NAALADL2: variants seen among roughly 807,000 people sequenced by gnomAD.
NAALADL2 encodes inactive N-acetylated-alpha-linked acidic dipeptidase-like protein 2.
NAALADL2 carries 76 observed loss-of-function variants against 87.2 expected under a neutral mutation model. The ratio of observed to expected loss-of-function variants is 0.87; its 90% CI spans 0.72 to 1.05. The LOEUF (loss-of-function observed/expected upper bound fraction) is 1.05. Among genes scored for constraint, NAALADL2 ranks in the 50% least tolerant of loss-of-function variants. The probability of loss-of-function intolerance (pLI) is 0.00; values close to 1 mark genes in which losing one functional copy is unlikely to be tolerated. For synonymous variants in NAALADL2, 354 were observed against 331.0 expected (o/e 1.07, Z -0.75); for missense variants, 1,089 against 945.8 (o/e 1.15, Z -1.99).
intron 1 of NAALADL2, among the ~76,000 whole-genome samples, chr3:174,493,510 AT>A (rs1211443499): frequency 2.6e-5 from 4 of 152,220 alleles, no homozygotes; most frequent in African/African-American, 4.8e-5. Flanking sequence ...AGACTTCTAA[AT>A]TCCATTATGA....
At position 175,809,510 on chromosome 3, in the gene NAALADL2, T is replaced by TAAAAAAAAAAAAAAAAA. The variant is rs1491162200; in HGVS notation, c.*6307_*6308insAAAAAAAAAAAAAAAAA. On this transcript the variant is annotated 3_prime_UTR_variant, in exon 14 of 14. Coordinates refer to ENST00000454872, the MANE Select transcript of NAALADL2 (RefSeq NM_207015.3). ...GCAACAAAGTGAGACCCTGTCTCTC[T>TAAAAAAAAAAAAAAAAA]TAAAAAAAAAAAAAAAAAAAAAAAA... 1 of 34,390 alleles carries TAAAAAAAAAAAAAAAAA rather than the reference T, an allele frequency of 2.9e-5. No homozygotes were observed. Among genetic ancestry groups the TAAAAAAAAAAAAAAAAA allele is most frequent in the Non-Finnish European group, 7.5e-5 (1 of 13,314 alleles). 2.1% of individuals were successfully genotyped at this position (34,390 alleles called of 1,614,324 possible). A position where few individuals can be genotyped will look rare whatever the true frequency, so the allele number is the denominator to read the frequency against.
At chr3:175,798,897 A>G (rs1170844575) in intron 13 of NAALADL2, among the ~76,000 whole-genome samples, 2 of 152,086 alleles carry the variant, frequency 1.3e-5, no homozygotes, top group Admixed American at 6.5e-5. Flanking sequence ...TTAACATTCA[A>G]TAAGCACATA....
intron 1 of NAALADL2, among the ~76,000 whole-genome samples, chr3:174,463,137 G>T (rs1030140520): frequency 2.0e-5 from 3 of 152,186 alleles, no homozygotes; most frequent in Admixed American, 6.5e-5. Flanking sequence ...TACTGAATCT[G>T]CAGGGGAGGT....
At chr3:174,518,808 G>T (rs767602572) in intron 1 of NAALADL2, among the ~76,000 whole-genome samples, 1 of 152,146 alleles carries the variant, frequency 6.6e-6, no homozygotes, top group Non-Finnish European at 1.5e-5. Context: ...TATTCTAATT[G>T]TATTGAGCAC....
intron 1 of NAALADL2, among the ~76,000 whole-genome samples, chr3:175,012,613 T>C (rs1371967081): frequency 1.3e-5 from 2 of 152,142 alleles, no homozygotes; most frequent in African/African-American, 4.8e-5. Context: ...GTTGAAAAAT[T>C]ACAGCCCTCA....
chr3:174,987,461 TG>T (rs1383606538), intron 1 of NAALADL2, among the ~76,000 whole-genome samples: 4 of 139,128 alleles, frequency 2.9e-5, no homozygotes. Context: ...CCCAGCTACT[TG>T]GGAGGCTGAG....
chr3:174,835,664 AAAC>A (rs1207377429), intron 3 of NAALADL2, among the ~76,000 whole-genome samples: 2 of 152,130 alleles, frequency 1.3e-5, no homozygotes, highest in East Asian at 1.9e-4. Context: ...ACAGAAAACT[AAAC>A]AATCTGATTT....
intron 5 of NAALADL2, among the ~76,000 whole-genome samples, chr3:175,362,812 G>GT (rs1427141686): frequency 6.8e-6 from 1 of 147,674 alleles, no homozygotes; most frequent in East Asian, 2.0e-4. Flanking sequence ...GTGTAGAACT[G>GT]TTTCCTGTTC....
intron 2 of NAALADL2, among the ~76,000 whole-genome samples, chr3:175,173,313 T>A (rs200468690): frequency 0.17 from 8,471 of 50,802 alleles, 292 homozygotes; most frequent in African/African-American, 0.24. Flanking sequence ...ATAAATAAAA[T>A]AAATAAATAA....
chr3:175,729,098 A>G (rs574912337), intron 11 of NAALADL2, among the ~76,000 whole-genome samples: 1 of 152,292 alleles, frequency 6.6e-6, no homozygotes, highest in East Asian at 1.9e-4. Flanking sequence ...GTGCTTTCTA[A>G]GAAATAAAAG....
intron 5 of NAALADL2, among the ~76,000 whole-genome samples, chr3:175,444,320 G>A (rs1720320758): frequency 6.6e-6 from 1 of 152,064 alleles, no homozygotes; most frequent in Non-Finnish European, 1.5e-5. Flanking sequence ...ACACATACTG[G>A]GAAAACCAGA....
At chr3:174,490,232 A>T (rs1325900343) in intron 1 of NAALADL2, among the ~76,000 whole-genome samples, 2 of 152,140 alleles carry the variant, frequency 1.3e-5, no homozygotes, top group Non-Finnish European at 2.9e-5. Flanking sequence ...GCAATAAAAA[A>T]TGAAGTATTG....
chr3:174,678,217 T>G (rs1727219807), intron 2 of NAALADL2, among the ~76,000 whole-genome samples: 1 of 152,112 alleles, frequency 6.6e-6, no homozygotes, highest in Non-Finnish European at 1.5e-5. Context: ...GTCAGATTCC[T>G]GGAGATACTG....
At chr3:175,373,929 T>A (rs1213948068) in intron 5 of NAALADL2, among the ~76,000 whole-genome samples, 6 of 152,206 alleles carry the variant, frequency 3.9e-5, no homozygotes, top group African/African-American at 1.2e-4. Context: ...ATGTTTTTTA[T>A]GCTGATGGAC....
At chr3:175,499,261 G>A (rs537922163) in intron 9 of NAALADL2, among the ~76,000 whole-genome samples, 33 of 151,928 alleles carry the variant, frequency 2.2e-4, no homozygotes, top group African/African-American at 6.8e-4. Flanking sequence ...ACCGTTTTTC[G>A]AATGATTAAC....
intron 2 of NAALADL2, among the ~76,000 whole-genome samples, chr3:174,607,569 A>G (rs1719247961): frequency 6.6e-6 from 1 of 150,848 alleles, no homozygotes; most frequent in South Asian, 2.1e-4. Flanking sequence ...AGAGACAAAG[A>G]AGGCCATTAC....
intron 5 of NAALADL2, among the ~76,000 whole-genome samples, chr3:175,412,891 TTTATTA>T (rs58135076): frequency 1.2e-3 from 146 of 123,008 alleles, no homozygotes; most frequent in Non-Finnish European, 1.4e-3. Flanking sequence ...ATTTAATTTA[TTTATTA>T]TTATTATTAT....
At chr3:175,780,270 T>G (rs370668543) in intron 13 of NAALADL2, among the ~76,000 whole-genome samples, 7 of 150,808 alleles carry the variant, frequency 4.6e-5, no homozygotes, top group African/African-American at 1.7e-4. Context: ...AGCGAGACTC[T>G]GTCTCAAAAA....
chr3:174,525,747 T>G lies in NAALADL2; in HGVS notation c.-183-24822T>G, dbSNP rs566947423. 4.1e-4 allele frequency among the ~76,000 whole-genome samples: 62 copies of G among 152,368 alleles called. No homozygotes were observed. The South Asian group carries it at 0.013, about 31-fold the overall frequency. ...TGTTTGGATGGATTTTCAACTTTAT[T>G]CAGATTCTAGCATCTCTTCAACTTG... On this transcript the variant is annotated intron_variant, in intron 1 of 3. Coordinates refer to the NAALADL2 transcript ENST00000434257.
Sources: allele counts gnomAD v4.1 joint callset (sites outside exome capture counted in the v4.1 genomes callset), GRCh38; gene constraint gnomAD v4.1.1; transcripts MANE v1.5; gene names NCBI Gene and HGNC (gene_info 2026-07-23, HGNC 2026-07-21).